Variants in AKAP13 observed in about 807,000 individuals in gnomAD.
AKAP13 encodes the protein A-kinase anchor protein 13.
A neutral mutation model predicts 264.5 loss-of-function variants in AKAP13; 80 were observed. That is an observed-to-expected ratio of 0.30 (90% confidence interval 0.25 to 0.36). The LOEUF is 0.36. Ranked by LOEUF, AKAP13 falls within the 10% of genes least tolerant of loss-of-function variation. The pLI is 1.00. For missense variants in AKAP13, 3,712 were observed against 3,435.2 expected, an observed-to-expected ratio of 1.08 and a Z score of -2.01; for synonymous variants, 1,380 against 1,250.2, an observed-to-expected ratio of 1.10 and a Z score of -2.19.
intron 2 of AKAP13, among the ~76,000 whole-genome samples, chr15:85,486,705 G>T (rs1485235014): frequency 6.9e-6 from 1 of 144,896 alleles, no homozygotes; most frequent in Non-Finnish European, 1.5e-5. Flanking sequence ...CATTTTGATG[G>T]TATTGTTAAT....
intron 12 of AKAP13, chr15:85,662,509 AG>A: frequency 6.2e-7 from 1 of 1,606,414 alleles, no homozygotes; most frequent in Non-Finnish European, 8.5e-7. Context: ...ATACGCCATC[AG>A]GGCTTTTGGC....
At chr15:85,422,348 T>A (rs1396749182) in intron 1 of AKAP13, among the ~76,000 whole-genome samples, 1 of 152,158 alleles carries the variant, frequency 6.6e-6, no homozygotes, top group Non-Finnish European at 1.5e-5. Context: ...GATGGTTACA[T>A]GATCATGTTC....
At chr15:85,728,012 T>C (rs901196910) in intron 29 of AKAP13, among the ~76,000 whole-genome samples, 1 of 152,210 alleles carries the variant, frequency 6.6e-6, no homozygotes, top group Non-Finnish European at 1.5e-5. Context: ...ACACAGGCAT[T>C]CTAATCCCCA....
At position 85,724,216 on chromosome 15, in the gene AKAP13, C is replaced by T. The variant is rs1022927339; in HGVS notation, c.6745+896C>T. On this transcript the variant is annotated intron_variant, in intron 26 of 36. Transcript: ENST00000394518. This position sits in a 1 kb window ranked among gnomAD's most constrained non-coding sequence, Gnocchi z 4.2. ...GTAGATAACTGCTATAGGAAATGCCCACGCATAGAACAAATGGTAAAGAAG... is the reference window on the plus strand; with the variant it reads ...GTAGATAACTGCTATAGGAAATGCCTACGCATAGAACAAATGGTAAAGAAG... Among the ~76,000 whole-genome samples the T allele has an allele frequency of 6.6e-6, 1 of 152,120 alleles. No individual in the cohort carries two copies. Among genetic ancestry groups the T allele is most frequent in the Non-Finnish European group, 1.5e-5 (1 of 68,022 alleles).
chr15:85,461,706 G>A (rs1482455894), intron 1 of AKAP13, among the ~76,000 whole-genome samples: 1 of 151,808 alleles, frequency 6.6e-6, no homozygotes, highest in African/African-American at 2.4e-5. Context: ...AGCCATGGTG[G>A]TTCTTTTCCT....
chr15:85,499,325 C>T (rs1209915419), intron 2 of AKAP13, among the ~76,000 whole-genome samples: 1 of 152,076 alleles, frequency 6.6e-6, no homozygotes, highest in Non-Finnish European at 1.5e-5. Context: ...TAGAATTTTT[C>T]ACGAATTATT....
chr15:85,439,384 A>C (rs1232338507), intron 1 of AKAP13, among the ~76,000 whole-genome samples: 6 of 151,746 alleles, frequency 4.0e-5, no homozygotes, highest in Non-Finnish European at 7.4e-5. Context: ...ACTGTAAACT[A>C]GTTCAACCAT....
rs112317494 is a variant in AKAP13 at position 85,722,150 on chromosome 15, G to A, written c.6378+34G>A. 3.7e-6 allele frequency: 6 copies of A among 1,612,642 alleles called. No homozygotes were observed. In the African/African-American group the frequency reaches 4.0e-5, roughly 11 times the overall value. On this transcript the variant is annotated intron_variant, in intron 24 of 36. Coordinates refer to ENST00000394518, the MANE Select transcript of AKAP13 (RefSeq NM_007200.5). The stretch of plus-strand genomic sequence containing the variant: ...AAGAAACATGAAAATCCCCGTTATT[G>A]TTGAGAGCCATGTGTCCCTGTCGGC...
chr15:85,720,913 A>G (rs2087244326), intron 23 of AKAP13, among the ~76,000 whole-genome samples: 1 of 152,234 alleles, frequency 6.6e-6, no homozygotes, highest in Non-Finnish European at 1.5e-5. Context: ...CATGTTATGA[A>G]ATAAATGCAA....
chr15:85,636,719 A>C (rs2082086747), intron 8 of AKAP13, among the ~76,000 whole-genome samples: 1 of 151,760 alleles, frequency 6.6e-6, no homozygotes, highest in African/African-American at 2.4e-5. Flanking sequence ...GGTTCAAGTG[A>C]TTCTCATGCC....
chr15:85,504,503 CAAAAAAAAAAAAAAAAAAAAAAAAA>C (rs566579814), intron 2 of AKAP13, among the ~76,000 whole-genome samples: 3 of 91,068 alleles, frequency 3.3e-5, no homozygotes, highest in African/African-American at 1.5e-4. Context: ...CCTGTCTTTA[CAAAAAAAAAAAAAAAAAAAAAAAAA>C]AAAAAAAGAA....
chr15:85,418,060 T>C (rs1181158769), intron 1 of AKAP13, among the ~76,000 whole-genome samples: 3 of 142,162 alleles, frequency 2.1e-5, no homozygotes, highest in African/African-American at 7.5e-5. Context: ...ATTATTATTA[T>C]TATTATCATT....
intron 1 of AKAP13, among the ~76,000 whole-genome samples, chr15:85,452,708 G>A (rs1315217664): frequency 6.6e-6 from 1 of 152,132 alleles, no homozygotes; most frequent in Admixed American, 6.5e-5. Flanking sequence ...GACAGCTGGT[G>A]GACTAAACAG....
chr15:85,544,323 C>A (rs1406992865), intron 5 of AKAP13, among the ~76,000 whole-genome samples: 2 of 152,166 alleles, frequency 1.3e-5, no homozygotes, highest in Non-Finnish European at 2.9e-5. Flanking sequence ...TTTCCTATAT[C>A]ATATATTTTT....
At chr15:85,399,347 T>A (rs1231832283) in intron 1 of AKAP13, among the ~76,000 whole-genome samples, 2 of 146,238 alleles carry the variant, frequency 1.4e-5, no homozygotes, top group Admixed American at 6.8e-5. Context: ...ATACAAAAAA[T>A]TAGCCGGGCG....
intron 5 of AKAP13, among the ~76,000 whole-genome samples, chr15:85,567,360 C>T (rs915272822): frequency 3.3e-5 from 5 of 152,166 alleles, no homozygotes; most frequent in African/African-American, 1.2e-4. Context: ...CCCACCTCGG[C>T]CTCCCAAAGT....
In AKAP13 at chr15:85,745,006, A is replaced by G. The variant is rs1412249879; in HGVS notation, c.*329A>G. ...GTCAGGAATTCCTAAAGGCTGAAAGAGTGTATCCAAGTAAGGTCTGAACCT... is the reference window on the plus strand; with the variant it reads ...GTCAGGAATTCCTAAAGGCTGAAAGGGTGTATCCAAGTAAGGTCTGAACCT... On this transcript the variant is annotated 3_prime_UTR_variant, in exon 37 of 37. Coordinates refer to ENST00000394518, the MANE Select transcript of AKAP13 (RefSeq NM_007200.5). 1.7e-5 allele frequency: 4 copies of G among 234,538 alleles called. No homozygotes were observed. Among genetic ancestry groups the G allele is most frequent in the East Asian group, 1.9e-4 (2 of 10,360 alleles). The allele number at this position is 234,538 out of a possible 1,614,324, so 14.5% of individuals were successfully genotyped here.
chr15:85,582,937 G>A (rs1318001088), intron 7 of AKAP13: 1 of 985,308 alleles, frequency 1.0e-6, no homozygotes, highest in Non-Finnish European at 1.2e-6. Flanking sequence ...CCATCTGTGG[G>A]TAACCATGTT....
chr15:85,547,411 A>G (rs1008172825), intron 5 of AKAP13, among the ~76,000 whole-genome samples: 2 of 152,188 alleles, frequency 1.3e-5, no homozygotes, highest in Non-Finnish European at 2.9e-5. Flanking sequence ...GTCTATTTTG[A>G]TAAAGCAAGT....
Sources: gnomAD v4.1 joint callset for allele counts (sites outside exome capture counted in the v4.1 genomes callset) on GRCh38, gnomAD v4.1.1 for gene constraint, Gnocchi (gnomAD v3.1) non-coding constraint, MANE v1.5 for transcripts, NCBI Gene and HGNC (gene_info 2026-07-23, HGNC 2026-07-21) for gene names.